The following POLR1C variants were observed in gnomAD, a reference collection of about 807,000 sequenced individuals.
POLR1C encodes the protein DNA-directed RNA polymerases I and III subunit RPAC1.
POLR1C carries 42 observed loss-of-function variants against 38.3 expected under a neutral mutation model. The ratio of observed to expected loss-of-function variants is 1.10; its 90% CI spans 0.86 to 1.42. POLR1C has a LOEUF of 1.42. Among genes scored for constraint, POLR1C ranks in the 40% most tolerant of loss-of-function variants. The pLI is 0.00. For synonymous variants in POLR1C, 163 were observed against 163.9 expected, an observed-to-expected ratio of 0.99 and a Z score of 0.04; for missense variants, 507 against 450.5, an observed-to-expected ratio of 1.13 and a Z score of -1.14.
downstream of POLR1C, chr6:43,525,744 C>CA (rs1793543825): frequency 3.0e-6 from 4 of 1,337,378 alleles, no homozygotes; most frequent in Admixed American, 2.7e-5. Flanking sequence ...AGGAGTATTA[C>CA]AAAAAACTCT....
chr6:43,518,261 A>T (rs1286281453), intron 2 of POLR1C, among the ~76,000 whole-genome samples: 1 of 152,238 alleles, frequency 6.6e-6, no homozygotes, highest in Non-Finnish European at 1.5e-5. Context: ...TGAAGACATG[A>T]ACTAAGACTG....
chr6:43,551,169 T>A (rs1048698435), intron 10 of POLR1C: 2 of 935,190 alleles, frequency 2.1e-6, no homozygotes, highest in African/African-American at 1.7e-5. Flanking sequence ...GGTGTGAGGA[T>A]CCCTTGAGAC....
chr6:43,525,040 T>C, downstream of POLR1C: 1 of 1,584,470 alleles, frequency 6.3e-7, no homozygotes, highest in Non-Finnish European at 8.6e-7. Context: ...TTCTTCTGAA[T>C]GATTTAGTCA....
intron 10 of POLR1C, among the ~76,000 whole-genome samples, chr6:43,558,202 ATAAGG>A (rs960883327): frequency 1.3e-5 from 2 of 152,210 alleles, no homozygotes; most frequent in Non-Finnish European, 2.9e-5. Context: ...AGAAATAACC[ATAAGG>A]TAAGATGGTA....
chr6:43,530,632 T>G (rs776404486), downstream of POLR1C: 1 of 1,595,478 alleles, frequency 6.3e-7, no homozygotes, highest in African/African-American at 1.4e-5. Context: ...ACCTGTTTTG[T>G]TTCTCTCTCT....
At chr6:43,528,627 C>T (rs1473349047) in intron 8 of POLR1C, among the ~76,000 whole-genome samples, 2 of 152,112 alleles carry the variant, frequency 1.3e-5, no homozygotes, top group Non-Finnish European at 2.9e-5. Context: ...CTGAAGCTGT[C>T]TTGTGGCAAT....
downstream of POLR1C, chr6:43,523,770 G>GA: frequency 6.3e-7 from 1 of 1,593,614 alleles, no homozygotes; most frequent in Non-Finnish European, 8.6e-7. Flanking sequence ...GACAGTGGTG[G>GA]AAAGTGAGGT....
downstream of POLR1C, among the ~76,000 whole-genome samples, chr6:43,522,127 G>C (rs1209433084): frequency 6.6e-6 from 1 of 152,204 alleles, no homozygotes; most frequent in African/African-American, 2.4e-5. Flanking sequence ...AGCCACACAC[G>C]AAAGACACTG....
intron 9 of POLR1C, among the ~76,000 whole-genome samples, chr6:43,534,976 C>T (rs1034335920): frequency 1.3e-5 from 2 of 152,032 alleles, no homozygotes; most frequent in African/African-American, 2.4e-5. Context: ...GCCTGGGCAA[C>T]AGAGTGAGAC....
chr6:43,540,657 A>C (rs1342157439), intron 9 of POLR1C, among the ~76,000 whole-genome samples: 1 of 152,140 alleles, frequency 6.6e-6, no homozygotes, highest in Non-Finnish European at 1.5e-5. Flanking sequence ...CCGTTTCAAA[A>C]AAAATAAATT....
chr6:43,553,383 A>G (rs758186855), intron 10 of POLR1C: 1 of 1,608,638 alleles, frequency 6.2e-7, no homozygotes, highest in South Asian at 1.1e-5. Flanking sequence ...TTCTCTATTT[A>G]GTGTTCGAAA....
intron 4 of POLR1C, 26 bp downstream of exon 4, chr6:43,519,864 G>C (rs1793046627): frequency 1.9e-6 from 3 of 1,608,786 alleles, no homozygotes; most frequent in Admixed American, 1.7e-5. Flanking sequence ...TTTGGGAGAA[G>C]TGGACTATCT....
At chr6:43,525,310 C>A, downstream of POLR1C, 1 of 987,448 alleles carries the variant, frequency 1.0e-6, no homozygotes. Context: ...TTTTTTTTTT[C>A]CTCCCCCCCT....
intron 8 of POLR1C, 67 bp downstream of exon 8, chr6:43,521,115 T>C (rs557660342): frequency 4.4e-6 from 7 of 1,600,878 alleles, no homozygotes; most frequent in Admixed American, 1.7e-5. Flanking sequence ...CCAGTCTAGA[T>C]GTGAAGTTTA....
intron 7 of POLR1C, 33 bp from the exon 8 acceptor site, chr6:43,520,899 A>G (rs1294523883): frequency 1.2e-6 from 2 of 1,609,728 alleles, no homozygotes; most frequent in Non-Finnish European, 1.7e-6. Flanking sequence ...AAATTAGAAA[A>G]AGGAATAAAA....
chr6:43,533,727 C>G (rs188303217), downstream of POLR1C: 756 of 375,312 alleles, frequency 2.0e-3, 2 homozygotes, highest in Non-Finnish European at 2.9e-3. Flanking sequence ...TCCAACTACT[C>G]GGGAGGCTGA....
At chr6:43,551,208 T>C in intron 10 of POLR1C, 5 of 1,340,098 alleles carry the variant, frequency 3.7e-6, no homozygotes, top group Non-Finnish European at 4.9e-6. Context: ...CTGGGCAATG[T>C]AGCAAGATCC....
At chr6:43,546,635 T>C (rs759596337) in intron 9 of POLR1C, 3 of 1,613,966 alleles carry the variant, frequency 1.9e-6, no homozygotes, top group South Asian at 2.2e-5. Flanking sequence ...TTACGGAAGA[T>C]TGGATTTCCA....
chr6:43,533,834 A>AAT, downstream of POLR1C: 1 of 1,215,010 alleles, frequency 8.2e-7, no homozygotes, highest in African/African-American at 1.5e-5. Flanking sequence ...ATGACTCTTA[A>AAT]AAAACAACAA....
Sources: gnomAD v4.1 joint callset for allele counts (sites outside exome capture counted in the v4.1 genomes callset) on GRCh38, gnomAD v4.1.1 for gene constraint, MANE v1.5 for transcripts, NCBI Gene and HGNC (gene_info 2026-07-23, HGNC 2026-07-21) for gene names.